The following TOM1L1 variants were observed in gnomAD, a reference collection of about 807,000 sequenced individuals.
TOM1L1 encodes the protein TOM1-like protein 1.
TOM1L1 carries 64 observed loss-of-function variants against 63.4 expected under a neutral mutation model. That is an observed-to-expected ratio of 1.01 (90% CI 0.83 to 1.24). The LOEUF is 1.24. Among genes scored for constraint, TOM1L1 ranks in the 50% most tolerant of loss-of-function variants. The probability of loss-of-function intolerance (pLI) is 0.00; values close to 1 mark genes in which losing one functional copy is unlikely to be tolerated. For missense variants in TOM1L1, 536 were observed against 567.0 expected, an observed-to-expected ratio of 0.95 and a Z score of 0.55; for synonymous variants, 166 against 194.4, an observed-to-expected ratio of 0.85 and a Z score of 1.22.
chr17:54,901,025 T>TG, intron 1 of TOM1L1, 102 bp downstream of exon 1: 2 of 1,505,706 alleles, frequency 1.3e-6, no homozygotes, highest in African/African-American at 2.8e-5. Flanking sequence ...TAGTCCAACT[T>TG]GAAAAAATTA....
intron 10 of TOM1L1, 191 bp downstream of exon 10, chr17:54,937,417 G>A (rs2048967445): frequency 1.8e-6 from 1 of 562,972 alleles, no homozygotes; most frequent in Non-Finnish European, 3.2e-6. Flanking sequence ...GGATGTGTCT[G>A]GGCGAGGAGG....
chr17:54,924,678 C>T (rs2143830116), intron 7 of TOM1L1, among the ~76,000 whole-genome samples: 2 of 152,252 alleles, frequency 1.3e-5, no homozygotes, highest in South Asian at 4.2e-4. Flanking sequence ...AATGGAAATG[C>T]CAAAAGGCTT....
intron 7 of TOM1L1, chr17:54,917,257 T>C (rs2048605931): frequency 6.6e-6 from 1 of 152,144 alleles, no homozygotes. Context: ...CTTTCTATTC[T>C]CTTCTTATGG....
At chr17:54,903,851 A>T in intron 2 of TOM1L1, 59 bp downstream of exon 2, 1 of 1,453,542 alleles carries the variant, frequency 6.9e-7, no homozygotes, top group Non-Finnish European at 9.6e-7. Context: ...GAACTACAGC[A>T]CGTTTTCTCT....
At chr17:54,956,410 T>C (rs778784711) in intron 14 of TOM1L1, among the ~76,000 whole-genome samples, 7 of 152,098 alleles carry the variant, frequency 4.6e-5, no homozygotes, top group Admixed American at 1.3e-4. Flanking sequence ...GCTCAGGCAA[T>C]TCTCATGCCT....
In TOM1L1 at chr17:54,961,333, A is replaced by G. The variant is rs2077119970; in HGVS notation, c.*100A>G. On this transcript the variant is annotated 3_prime_UTR_variant, in exon 16 of 16. Transcript: ENST00000575882. ...GAAGCCTGGAAGACAATACCTACCA[A>G]CATGTCAAAGCCATGGTGGCACATT... 1 of 1,551,548 alleles carries G rather than the reference A, an allele frequency of 6.4e-7. No homozygotes were observed. Among genetic ancestry groups the G allele is most frequent in the Non-Finnish European group, 8.7e-7 (1 of 1,146,892 alleles).
chr17:54,937,017 A>C (rs1211437111), intron 9 of TOM1L1, 92 bp from the exon 10 acceptor site: 2 of 1,084,532 alleles, frequency 1.8e-6, no homozygotes. Context: ...AATGCATCCA[A>C]ATAGGATCCT....
intron 10 of TOM1L1, chr17:54,937,690 G>A (rs1161790767): frequency 1.3e-5 from 2 of 152,820 alleles, no homozygotes; most frequent in Non-Finnish European, 2.9e-5. Context: ...AGAAGTCCAA[G>A]TTGAAATGCC....
chr17:54,931,194 G>C, intron 8 of TOM1L1, among the ~76,000 whole-genome samples: 1 of 152,114 alleles, frequency 6.6e-6, no homozygotes, highest in East Asian at 1.9e-4. Flanking sequence ...AGGTGAACAG[G>C]CCTGGATTCA....
intron 5 of TOM1L1, among the ~76,000 whole-genome samples, chr17:54,914,426 A>C (rs945126307): frequency 2.6e-5 from 4 of 151,806 alleles, no homozygotes; most frequent in African/African-American, 9.7e-5. Flanking sequence ...CCTAATAGCC[A>C]CCTTTTGTTG....
chr17:54,924,119 C>G (rs112251775), intron 7 of TOM1L1, among the ~76,000 whole-genome samples: 4 of 152,204 alleles, frequency 2.6e-5, no homozygotes, highest in African/African-American at 9.6e-5. Flanking sequence ...CCTTCTCGGT[C>G]GTCTTTAGCC....
intron 7 of TOM1L1, among the ~76,000 whole-genome samples, chr17:54,919,804 T>C (rs1317965058): frequency 1.3e-5 from 1 of 78,000 alleles, no homozygotes; most frequent in Non-Finnish European, 3.1e-5. Context: ...GACAAATAAT[T>C]TTTTTTTTAC....
intron 11 of TOM1L1, among the ~76,000 whole-genome samples, chr17:54,943,082 C>G (rs1444061531): frequency 6.6e-6 from 1 of 152,060 alleles, no homozygotes. Flanking sequence ...TTTTCTTTGT[C>G]CTGATGTTGA....
intron 3 of TOM1L1, chr17:54,906,650 T>G: frequency 5.7e-6 from 3 of 524,542 alleles, no homozygotes; most frequent in Non-Finnish European, 4.9e-6. Flanking sequence ...CTGCCTGGCG[T>G]GATTTGGAGA....
chr17:54,952,448 G>C (rs1185827770), intron 14 of TOM1L1: 1 of 150,872 alleles, frequency 6.6e-6, no homozygotes, highest in South Asian at 2.1e-4. Flanking sequence ...TCAGGAAGGT[G>C]AGGCAGAAAA....
chr17:54,949,440 G>C (rs1022671450), intron 12 of TOM1L1, 78 bp from the exon 13 acceptor site: 8 of 1,027,512 alleles, frequency 7.8e-6, no homozygotes, highest in South Asian at 1.4e-5. Flanking sequence ...CAATGTACTT[G>C]CAAGTGTAGG....
In TOM1L1 at chr17:54,928,505, G is replaced by C. The variant is rs932577635; in HGVS notation, c.721-1568G>C. Among the ~76,000 whole-genome samples the C allele has an allele frequency of 2.0e-5, 3 of 152,136 alleles. No homozygotes were observed. In the East Asian group the frequency reaches 5.8e-4, roughly 29 times the overall value. On this transcript the variant is annotated intron_variant, in intron 7 of 15. Transcript: ENST00000575882. ...AAGTTTTCTCTTTGCATTACACCAGGGGTATATAAAGGAACCAAATCTAGC... is the reference window on the plus strand; with the variant it reads ...AAGTTTTCTCTTTGCATTACACCAGCGGTATATAAAGGAACCAAATCTAGC...
At chr17:54,901,352 C>T (rs1420475537) in intron 1 of TOM1L1, 2 of 171,246 alleles carry the variant, frequency 1.2e-5, no homozygotes, top group Non-Finnish European at 2.5e-5. Context: ...TGTGGCCTTA[C>T]TGTGAGGGGC....
chr17:54,906,515 C>G (rs1289128223), intron 3 of TOM1L1, among the ~76,000 whole-genome samples: 1 of 151,206 alleles, frequency 6.6e-6, no homozygotes, highest in African/African-American at 2.4e-5. Context: ...TATTAATTAA[C>G]CATAATTTAA....
Sources: allele counts gnomAD v4.1 joint callset (sites outside exome capture counted in the v4.1 genomes callset), GRCh38; gene constraint gnomAD v4.1.1; transcripts MANE v1.5; gene names NCBI Gene and HGNC (gene_info 2026-07-23, HGNC 2026-07-21).